The following NLGN1 variants were observed in gnomAD, a reference collection of about 807,000 sequenced individuals.
NLGN1 encodes neuroligin-1.
NLGN1 carries 12 observed loss-of-function variants against 65.5 expected under a neutral mutation model. That is an observed-to-expected ratio of 0.18 (90% confidence interval 0.12 to 0.30). The LOEUF (loss-of-function observed/expected upper bound fraction) is 0.30. Ranked by LOEUF, NLGN1 falls within the 10% of genes least tolerant of loss-of-function variation. The pLI is 1.00. For missense variants in NLGN1, 750 were observed against 1,007.1 expected, an observed-to-expected ratio of 0.74 and a Z score of 3.46; for synonymous variants, 350 against 359.5, an observed-to-expected ratio of 0.97 and a Z score of 0.30.
At chr3:173,425,382 C>T (rs1419536492) in intron 1 of NLGN1, among the ~76,000 whole-genome samples, 1 of 151,218 alleles carries the variant, frequency 6.6e-6, no homozygotes, top group East Asian at 2.0e-4. Context: ...TTTATAGAAT[C>T]TCATTTGTCA....
rs1487266981 is a variant in NLGN1, at chr3:174,275,180, T to A, written c.647-135T>A. The A allele has an allele frequency of 6.3e-6, 4 of 637,684 alleles. No homozygotes were observed. The African/African-American group carries it at 7.3e-5, about 12-fold the overall frequency. 39.5% of individuals were successfully genotyped at this position (637,684 alleles called of 1,614,324 possible). A position where few individuals can be genotyped will look rare whatever the true frequency, so the allele number is the denominator to read the frequency against. ...CTTGCTAAAGTAAATTCTTTTGTTA[T>A]AGTGGAAAATAATTTTTACTAATGA... On this transcript the variant is annotated intron_variant, in intron 4 of 6. Transcript: ENST00000457714.
chr3:174,245,439 A>T (rs1447172135), intron 4 of NLGN1, among the ~76,000 whole-genome samples: 3 of 152,164 alleles, frequency 2.0e-5, no homozygotes, highest in Admixed American at 2.0e-4. Context: ...TATTTTACCG[A>T]TAGCTATTTA....
At chr3:174,209,133 A>G (rs1735968738) in intron 4 of NLGN1, among the ~76,000 whole-genome samples, 2 of 152,068 alleles carry the variant, frequency 1.3e-5, no homozygotes, top group African/African-American at 4.8e-5. Flanking sequence ...CATGTTGCCC[A>G]GGCTGGTCTC....
intron 3 of NLGN1, among the ~76,000 whole-genome samples, chr3:173,720,781 A>G (rs1351697010): frequency 2.0e-5 from 3 of 152,232 alleles, no homozygotes; most frequent in African/African-American, 7.2e-5. Context: ...CTATGAAGGC[A>G]TAGTGCAAAG....
In NLGN1 at chr3:173,629,332, T is replaced by A. The variant is rs1755317856; in HGVS notation, c.493+24241T>A. 2.0e-5 allele frequency among the ~76,000 whole-genome samples: 3 copies of A among 152,042 alleles called. No homozygotes were observed. In the South Asian group the frequency reaches 6.2e-4, roughly 32 times the overall value. ...GGCCTTGCTATGTTGCCCAGGCTGG[T>A]ATTGGAAACTCGGGCTCAAACAATC... On this transcript the variant is annotated intron_variant, in intron 3 of 6. Coordinates refer to ENST00000457714, the Ensembl canonical transcript of NLGN1.
intron 3 of NLGN1, among the ~76,000 whole-genome samples, chr3:173,702,445 A>G (rs1767372153): frequency 6.6e-6 from 1 of 152,216 alleles, no homozygotes. Flanking sequence ...AAACATAAAC[A>G]AATGTAATTA....
intron 3 of NLGN1, among the ~76,000 whole-genome samples, chr3:173,793,263 G>A (rs1415385881): frequency 6.6e-6 from 1 of 152,078 alleles, no homozygotes; most frequent in Non-Finnish European, 1.5e-5. Flanking sequence ...CCACTGACTA[G>A]GCTAACAGTA....
chr3:174,263,784 G>T (rs1176456475), intron 4 of NLGN1, among the ~76,000 whole-genome samples: 1 of 151,778 alleles, frequency 6.6e-6, no homozygotes, highest in Non-Finnish European at 1.5e-5. Flanking sequence ...AGTCTTGATG[G>T]TCTTTACATT....
chr3:173,656,652 C>T (rs953730023), intron 3 of NLGN1, among the ~76,000 whole-genome samples: 4 of 151,982 alleles, frequency 2.6e-5, no homozygotes, highest in Admixed American at 2.0e-4. Context: ...AGAAGATGAC[C>T]CCCACCACTA....
rs372094480 is a variant in NLGN1 at position 173,592,311 on chromosome 3, C to T, written c.-320-11968C>T. Among the ~76,000 whole-genome samples, 39 of 152,222 alleles carry T rather than the reference C, an allele frequency of 2.6e-4. 1 individual carries two copies. The South Asian group carries it at 4.8e-3, about 19-fold the overall frequency. On this transcript the variant is annotated intron_variant, in intron 2 of 6. Coordinates refer to ENST00000457714, the Ensembl canonical transcript of NLGN1. Reference sequence around the variant, plus strand: ...ATAAAGAAGAAGCTGTCTAATATTTCGCCATTAGTTGTAATGATGGTTATA... The same window carrying T: ...ATAAAGAAGAAGCTGTCTAATATTTTGCCATTAGTTGTAATGATGGTTATA...
At chr3:174,253,086 C>T (rs1280724911) in intron 4 of NLGN1, among the ~76,000 whole-genome samples, 2 of 152,060 alleles carry the variant, frequency 1.3e-5, no homozygotes, top group Admixed American at 1.3e-4. Context: ...GTCTAGGTTG[C>T]TCAGTAGCTA....
At chr3:173,824,367 T>A (rs1442801161) in intron 4 of NLGN1, among the ~76,000 whole-genome samples, 4 of 152,158 alleles carry the variant, frequency 2.6e-5, no homozygotes, top group African/African-American at 7.2e-5. Flanking sequence ...ACTTGCTCCA[T>A]GCAAATGCTA....
chr3:173,937,855 T>G (rs1745327323), intron 4 of NLGN1, among the ~76,000 whole-genome samples: 1 of 152,176 alleles, frequency 6.6e-6, no homozygotes, highest in Admixed American at 6.6e-5. Flanking sequence ...AGATATACAT[T>G]AGTGTTTACA....
At chr3:174,117,305 C>T (rs1178308576) in intron 4 of NLGN1, among the ~76,000 whole-genome samples, 2 of 151,414 alleles carry the variant, frequency 1.3e-5, no homozygotes, top group African/African-American at 4.9e-5. Flanking sequence ...TAATATATAT[C>T]ACAGCACACA....
intron 4 of NLGN1, among the ~76,000 whole-genome samples, chr3:174,192,667 T>C (rs1732618182): frequency 1.3e-5 from 2 of 152,218 alleles, no homozygotes; most frequent in African/African-American, 2.4e-5. Context: ...GTCTTTTCTA[T>C]TGGCCTATAA....
At chr3:174,085,726 T>G (rs1443754282) in intron 4 of NLGN1, among the ~76,000 whole-genome samples, 1 of 152,210 alleles carries the variant, frequency 6.6e-6, no homozygotes, top group Admixed American at 6.5e-5. Flanking sequence ...AAATTTCTAA[T>G]TTTTAATCTG....
intron 4 of NLGN1, among the ~76,000 whole-genome samples, chr3:174,012,685 A>AT (rs1725794281): frequency 6.6e-6 from 1 of 152,170 alleles, no homozygotes; most frequent in African/African-American, 2.4e-5. Context: ...TTTCAAAGAC[A>AT]TTGGGGTCAA....
intron 2 of NLGN1, among the ~76,000 whole-genome samples, chr3:173,545,573 A>G (rs1560416277): frequency 6.6e-6 from 1 of 152,142 alleles, no homozygotes; most frequent in East Asian, 1.9e-4. Flanking sequence ...TAATGGCCCC[A>G]CCATCCATCC....
chr3:173,688,334 T>C (rs2149811987), intron 3 of NLGN1, among the ~76,000 whole-genome samples: 1 of 152,294 alleles, frequency 6.6e-6, no homozygotes, highest in African/African-American at 2.4e-5. Flanking sequence ...TTATTTCATT[T>C]GCTGTCCTAA....
Sources: gnomAD v4.1 joint callset for allele counts (sites outside exome capture counted in the v4.1 genomes callset) on GRCh38, gnomAD v4.1.1 for gene constraint, MANE v1.5 for transcripts, NCBI Gene and HGNC (gene_info 2026-07-23, HGNC 2026-07-21) for gene names.